EIF4B: variants seen among roughly 807,000 people sequenced by gnomAD.
EIF4B encodes eukaryotic translation initiation factor 4B.
EIF4B carries 8 observed loss-of-function variants against 79.3 expected under a neutral mutation model. The observed-to-expected ratio is 0.10, with a 90% CI of 0.06 to 0.18. The LOEUF (loss-of-function observed/expected upper bound fraction) is 0.18. Ranked by LOEUF, EIF4B falls within the 10% of genes least tolerant of loss-of-function variation. The pLI is 1.00. For synonymous variants in EIF4B, 238 were observed against 274.7 expected (o/e 0.87, Z 1.32); for missense variants, 515 against 792.4 (o/e 0.65, Z 4.20).
In EIF4B at chr12:53,040,295, A is replaced by C. The variant is rs1173098184; in HGVS notation, c.*72A>C. The stretch of plus-strand genomic sequence containing the variant: ...CATTCGAGAGCAAATCAAAACCTCT[A>C]TCCAGACAAGACAAAATAAAACTCA... On this transcript the variant is annotated 3_prime_UTR_variant, in exon 15 of 15. Transcript: ENST00000262056. 7.1e-7 allele frequency: 1 copy of C among 1,398,714 alleles called. No individual in the cohort carries two copies. The highest frequency in any genetic ancestry group is 1.0e-6 in the Non-Finnish European group (1 of 1,001,354). 86.6% of individuals were successfully genotyped at this position (1,398,714 alleles called of 1,614,324 possible). A position where few individuals can be genotyped will look rare whatever the true frequency, so the allele number is the denominator to read the frequency against.
At chr12:53,038,604 G>A (rs919419661) in intron 12 of EIF4B, 193 bp downstream of exon 12, 2 of 305,570 alleles carry the variant, frequency 6.5e-6, no homozygotes, top group Non-Finnish European at 1.2e-5. Context: ...CACAGGGCAG[G>A]AGTTTGAGAC....
At chr12:53,030,413 C>CTTTATTTTTTTTTTTTTTTTTTTTTTTTT (rs1943415690) in intron 8 of EIF4B, among the ~76,000 whole-genome samples, 1 of 43,066 alleles carries the variant, frequency 2.3e-5, no homozygotes, top group Non-Finnish European at 5.9e-5. Flanking sequence ...AAATTATATT[C>CTTTATTTTTTTTTTTTTTTTTTTTTTTTT]TTTTTTTTTT....
In EIF4B at chr12:53,019,921, G is replaced by A. The variant is rs1276551137; in HGVS notation, c.372G>A (p.Val124=). The A allele has an allele frequency of 2.5e-6, 4 of 1,610,304 alleles. No individual in the cohort carries two copies. The Admixed American group carries it at 5.1e-5, about 21-fold the overall frequency. ...TCTTATTCCTTCAGATCAGTGCAGT[G>A]CGTTTACCACGTGAACCCAGCAATC... ...EFFRGLNISA[V]RLPREPSNPE... is the part of the protein sequence containing the mutation. The change falls in exon 4 of 15, where the codon GTG becomes GTA. Residue 124 remains valine, a synonymous_variant. Coordinates refer to ENST00000262056, the MANE Select transcript of EIF4B (RefSeq NM_001417.7).
chr12:53,017,469 A>G (rs971442474), intron 2 of EIF4B, among the ~76,000 whole-genome samples: 2 of 152,198 alleles, frequency 1.3e-5, no homozygotes, highest in Non-Finnish European at 2.9e-5. Flanking sequence ...CGCCAGGAAT[A>G]ATAAGGAGCT....
At chr12:53,013,419 AAAAT>A (rs1298866009) in intron 1 of EIF4B, 1 of 152,268 alleles carries the variant, frequency 6.6e-6, no homozygotes, top group Non-Finnish European at 1.5e-5. Flanking sequence ...GAAAAAGTCT[AAAAT>A]AAGCCCACGC....
intron 1 of EIF4B, among the ~76,000 whole-genome samples, chr12:53,013,020 T>C (rs1943091164): frequency 6.6e-6 from 1 of 152,240 alleles, no homozygotes; most frequent in African/African-American, 2.4e-5. Flanking sequence ...TTAGTCATGA[T>C]ATTTAATTTG....
chr12:53,017,488 T>C, intron 2 of EIF4B, among the ~76,000 whole-genome samples: 1 of 152,226 alleles, frequency 6.6e-6, no homozygotes, highest in East Asian at 1.9e-4. Flanking sequence ...CTATGTTTTA[T>C]AATGACCGGG....
chr12:53,010,069 A>G (rs977761475), intron 1 of EIF4B, among the ~76,000 whole-genome samples: 2 of 152,230 alleles, frequency 1.3e-5, no homozygotes, highest in Non-Finnish European at 2.9e-5. Flanking sequence ...CAAGAAGTTT[A>G]ACTTGAATTT....
intron 3 of EIF4B, 152 bp from the exon 4 acceptor site, chr12:53,019,758 T>C (rs1457319063): frequency 1.7e-6 from 1 of 604,826 alleles, no homozygotes; most frequent in Non-Finnish European, 2.9e-6. Context: ...GTTTCTACTA[T>C]CCCTCTGCAT....
intron 1 of EIF4B, among the ~76,000 whole-genome samples, chr12:53,009,333 G>C (rs1365813965): frequency 6.6e-6 from 1 of 152,118 alleles, no homozygotes; most frequent in African/African-American, 2.4e-5. Flanking sequence ...AGACCAGCCT[G>C]GCCAACATGG....
intron 1 of EIF4B, among the ~76,000 whole-genome samples, chr12:53,009,009 TG>T (rs1339883580): frequency 6.6e-6 from 1 of 152,204 alleles, no homozygotes; most frequent in Non-Finnish European, 1.5e-5. Flanking sequence ...CACTCCAGCC[TG>T]GGCAAAAGAG....
rs747141954 is a variant in EIF4B, at chr12:53,022,632, G to GT, written c.667+8dup. 6.2e-6 allele frequency: 10 copies of GT among 1,612,916 alleles called. No homozygotes were observed. The Middle Eastern group carries it at 1.3e-3, about 213-fold the overall frequency. On this transcript the variant is annotated splice_donor_region_variant and intron_variant, in intron 6 of 14. Transcript: ENST00000262056. Reference sequence around the variant, plus strand: ...GTGATGATAGCTTTGGAGACAGTAAGTTTGTTTTTATGAAGTTAGCTTCCT... The same window carrying GT: ...GTGATGATAGCTTTGGAGACAGTAAGTTTTGTTTTTATGAAGTTAGCTTCCT...
chr12:53,019,450 CTTTTTTTTT>C (rs71095966), intron 3 of EIF4B, among the ~76,000 whole-genome samples: 24 of 65,998 alleles, frequency 3.6e-4, no homozygotes, highest in Non-Finnish European at 1.6e-4. Context: ...TTTTTTTTTT[CTTTTTTTTT>C]TTTTTTTTTT....
chr12:53,027,941 T>C lies in EIF4B; in HGVS notation c.805+22T>C, dbSNP rs756145630. 6 of 1,602,892 alleles carry C rather than the reference T, an allele frequency of 3.7e-6. 1 individual carries two copies. The South Asian group carries it at 6.6e-5, about 18-fold the overall frequency. ...AGAGGTAATTGTAAAACATGTCGAATTGCTCTTTCAGTAACTTTGCCTTTT... is the reference window on the plus strand; with the variant it reads ...AGAGGTAATTGTAAAACATGTCGAACTGCTCTTTCAGTAACTTTGCCTTTT... On this transcript the variant is annotated intron_variant, in intron 7 of 14. Transcript: ENST00000262056.
At position 53,041,912 on chromosome 12, in the gene EIF4B, A is replaced by G. The variant is rs924054236; in HGVS notation, c.*1689A>G. On this transcript the variant is annotated 3_prime_UTR_variant, in exon 15 of 15. Coordinates refer to ENST00000262056, the MANE Select transcript of EIF4B (RefSeq NM_001417.7). ...CTTTTTTAAAAAAGAAAAACAAACT[A>G]TTGATTGTAGATAATGAAAAGCTAG... is the stretch of plus-strand genomic sequence containing the variant. The G allele has an allele frequency of 6.6e-6, 1 of 152,576 alleles. No homozygotes were observed. Among genetic ancestry groups the G allele is most frequent in the African/African-American group, 2.4e-5 (1 of 41,452 alleles). 9.5% of individuals were successfully genotyped at this position (152,576 alleles called of 1,614,324 possible).
At chr12:53,008,096 T>C (rs1016562737) in intron 1 of EIF4B, among the ~76,000 whole-genome samples, 2 of 152,240 alleles carry the variant, frequency 1.3e-5, no homozygotes, top group African/African-American at 4.8e-5. Context: ...TATTTTAAAC[T>C]AACCATTGCT....
intron 1 of EIF4B, 35 bp from the exon 2 acceptor site, chr12:53,016,438 T>C (rs745380543): frequency 3.1e-6 from 5 of 1,611,414 alleles, no homozygotes; most frequent in Non-Finnish European, 4.2e-6. Context: ...TACCTGAGTA[T>C]TGGTGAATAA....
At chr12:53,023,558 G>A (rs1565588002) in intron 6 of EIF4B, among the ~76,000 whole-genome samples, 1 of 143,868 alleles carries the variant, frequency 7.0e-6, no homozygotes, top group Admixed American at 7.1e-5. Flanking sequence ...TATGCTTGTA[G>A]CAAACAATTA....
intron 10 of EIF4B, among the ~76,000 whole-genome samples, chr12:53,037,025 A>G (rs548912540): frequency 7.5e-4 from 114 of 152,276 alleles, no homozygotes; most frequent in African/African-American, 2.6e-3. Context: ...ATCATAGTCC[A>G]TGTGTGTTGA....
Sources: allele counts gnomAD v4.1 joint callset (sites outside exome capture counted in the v4.1 genomes callset), GRCh38; gene constraint gnomAD v4.1.1; transcripts MANE v1.5; gene names NCBI Gene and HGNC (gene_info 2026-07-23, HGNC 2026-07-21).